Variants in DUSP10 observed in about 807,000 individuals in gnomAD.
The protein encoded by DUSP10 is dual specificity phosphatase 10, also known as dual specificity protein phosphatase 10.
Under a neutral mutation model 30.8 loss-of-function variants are expected in DUSP10, and 14 were observed. That is an observed-to-expected ratio of 0.46 (90% CI 0.30 to 0.71). The LOEUF (loss-of-function observed/expected upper bound fraction) is 0.71. DUSP10 is among the 30% of genes least tolerant of loss of function. DUSP10 has a pLI of 0.08. For synonymous variants in DUSP10, 254 were observed against 250.4 expected (o/e 1.01, Z -0.14); for missense variants, 550 against 619.4 (o/e 0.89, Z 1.19).
chr1:221,728,304 G>A (rs1661484398), intron 2 of DUSP10, among the ~76,000 whole-genome samples: 1 of 152,224 alleles, frequency 6.6e-6, no homozygotes, highest in Admixed American at 6.5e-5. Flanking sequence ...TATCTGAGAG[G>A]ACAGTCACAT....
chr1:221,717,229 G>A (rs890613366), intron 2 of DUSP10, among the ~76,000 whole-genome samples: 2 of 152,124 alleles, frequency 1.3e-5, no homozygotes, highest in African/African-American at 4.8e-5. Context: ...GGAACTCAGG[G>A]AACCTCTGAG....
At chr1:221,730,577 T>C (rs1261946426) in intron 2 of DUSP10, among the ~76,000 whole-genome samples, 3 of 152,210 alleles carry the variant, frequency 2.0e-5, no homozygotes, top group African/African-American at 7.2e-5. Context: ...CATAAAACAT[T>C]AAGGGCAATG....
rs148922352 is a variant in DUSP10, at chr1:221,704,655, T to G, written c.1183+1440A>C. Among the ~76,000 whole-genome samples, 387 of 152,300 alleles carry G rather than the reference T, an allele frequency of 2.5e-3. 1 individual carries two copies. Among genetic ancestry groups the G allele is most frequent in the African/African-American group, 8.2e-3 (341 of 41,574 alleles). On this transcript the variant is annotated intron_variant, in intron 3 of 3. Transcript: ENST00000366899. ...TAATAGGGCATCATAAACATTGCCT[T>G]AGTGTGTTGTGAAAAGGCCTCAGGC...
chr1:221,726,604 C>G (rs1227459877), intron 2 of DUSP10, among the ~76,000 whole-genome samples: 1 of 150,810 alleles, frequency 6.6e-6, no homozygotes, highest in Non-Finnish European at 1.5e-5. Flanking sequence ...TTCTTAATAT[C>G]TTAACAATAA....
intron 2 of DUSP10, among the ~76,000 whole-genome samples, chr1:221,733,532 C>T (rs1405511861): frequency 6.6e-6 from 1 of 152,210 alleles, no homozygotes. Context: ...CAGTACTGTG[C>T]TTAGAACGAC....
At chr1:221,733,538 A>T (rs1419194275) in intron 2 of DUSP10, among the ~76,000 whole-genome samples, 2 of 152,210 alleles carry the variant, frequency 1.3e-5, no homozygotes, top group African/African-American at 2.4e-5. Context: ...TGTGCTTAGA[A>T]CGACTTGCCC....
intron 2 of DUSP10, among the ~76,000 whole-genome samples, chr1:221,726,092 A>C (rs1661415420): frequency 6.6e-6 from 1 of 152,234 alleles, no homozygotes; most frequent in Non-Finnish European, 1.5e-5. Flanking sequence ...GTCAAGGATA[A>C]AGATGTCCCT....
Position 221,702,074 on chromosome 1 carries a change from G to T in DUSP10, c.*338C>A. On this transcript the variant is annotated 3_prime_UTR_variant, in exon 4 of 4. Transcript: ENST00000366899. This position sits in a 1 kb window ranked among gnomAD's most constrained non-coding sequence, Gnocchi z 4.5. ...TTGGTTTAAAGTGTGTAGTATCTTC[G>T]GTCTATGAACCTGCACAGACTATTT... 1 of 215,188 alleles carries T rather than the reference G, an allele frequency of 4.6e-6. No homozygotes were observed. Among genetic ancestry groups the T allele is most frequent in the Non-Finnish European group, 9.3e-6 (1 of 107,032 alleles). The allele number at this position is 215,188 out of a possible 1,614,324, so 13.3% of individuals were successfully genotyped here. A position where few individuals can be genotyped will look rare whatever the true frequency, so the allele number is the denominator to read the frequency against.
At chr1:221,732,207 C>T (rs908932066) in intron 2 of DUSP10, among the ~76,000 whole-genome samples, 9 of 152,214 alleles carry the variant, frequency 5.9e-5, no homozygotes, top group African/African-American at 1.4e-4. Context: ...AATGAATCTC[C>T]TCTGCCCACA....
At chr1:221,717,989 C>T (rs1436909944) in intron 2 of DUSP10, among the ~76,000 whole-genome samples, 1 of 151,902 alleles carries the variant, frequency 6.6e-6, no homozygotes, top group Admixed American at 6.6e-5. Context: ...TTTTGAAGAG[C>T]CACACTAAAA....
At chr1:221,735,363 A>T (rs1661735084) in intron 2 of DUSP10, among the ~76,000 whole-genome samples, 1 of 152,196 alleles carries the variant, frequency 6.6e-6, no homozygotes, top group African/African-American at 2.4e-5. Context: ...TCCTCTGTAG[A>T]CCTGACTGCC....
intron 2 of DUSP10, among the ~76,000 whole-genome samples, chr1:221,718,472 A>G (rs1273200551): frequency 6.6e-6 from 1 of 152,174 alleles, no homozygotes; most frequent in Non-Finnish European, 1.5e-5. Context: ...GGAAAAATCC[A>G]TGAGATCATC....
At chr1:221,735,809 C>CA (rs1241870455) in intron 2 of DUSP10, among the ~76,000 whole-genome samples, 1 of 152,172 alleles carries the variant, frequency 6.6e-6, no homozygotes, top group Non-Finnish European at 1.5e-5. Context: ...AACTTTATAG[C>CA]AAAAACGGTA....
chr1:221,702,658 C>T lies in DUSP10; in HGVS notation c.1203G>A (p.Gly401=). The change falls in exon 4 of 4, where the codon GGG becomes GGA. Residue 401 remains glycine, a synonymous_variant. Transcript: ENST00000366899. This position sits in a 1 kb window ranked among gnomAD's most constrained non-coding sequence, Gnocchi z 4.5. ...CCTGGCAGTGGATGAGAAGCCCCTTCCCACACTGGTGAGCTTCCTCTGAAA... is the reference window on the plus strand; with the variant it reads ...CCTGGCAGTGGATGAGAAGCCCCTTTCCACACTGGTGAGCTTCCTCTGAAA... ...FEFIEEAHQC[G]KGLLIHCQAG... is the part of the protein sequence containing the mutation. 1 of 1,614,030 alleles carries T rather than the reference C, an allele frequency of 6.2e-7. No individual in the cohort carries two copies. The highest frequency in any genetic ancestry group is 2.2e-5 in the East Asian group (1 of 44,870).
At chr1:221,704,580 A>G (rs539318109) in intron 3 of DUSP10, among the ~76,000 whole-genome samples, 2 of 152,326 alleles carry the variant, frequency 1.3e-5, no homozygotes, top group African/African-American at 4.8e-5. Flanking sequence ...TTTATTAATA[A>G]AGAATCTGCA....
intron 2 of DUSP10, 37 bp downstream of exon 2, chr1:221,738,897 A>C (rs781523989): frequency 2.2e-5 from 35 of 1,560,694 alleles, no homozygotes; most frequent in Non-Finnish European, 3.0e-5. Flanking sequence ...AACCCGGCTA[A>C]TCAGGACCGT....
chr1:221,723,416 A>G (rs1661335038), intron 2 of DUSP10, among the ~76,000 whole-genome samples: 1 of 152,238 alleles, frequency 6.6e-6, no homozygotes, highest in Non-Finnish European at 1.5e-5. Flanking sequence ...TATTCTTGCA[A>G]TACTGCAATA....
chr1:221,712,718 T>C (rs1216663292), intron 2 of DUSP10, among the ~76,000 whole-genome samples: 2 of 129,354 alleles, frequency 1.5e-5, no homozygotes, highest in African/African-American at 3.1e-5. Context: ...GACACAGTTA[T>C]CTACAGATAT....
At chr1:221,720,520 G>T (rs1400905363) in intron 2 of DUSP10, among the ~76,000 whole-genome samples, 1 of 152,168 alleles carries the variant, frequency 6.6e-6, no homozygotes, top group East Asian at 1.9e-4. Context: ...TCAGGGAGGG[G>T]GTTGCAGAAA....
Sources: allele counts gnomAD v4.1 joint callset (sites outside exome capture counted in the v4.1 genomes callset), GRCh38; gene constraint gnomAD v4.1.1; non-coding constraint Gnocchi (gnomAD v3.1); transcripts MANE v1.5; gene names NCBI Gene and HGNC (gene_info 2026-07-23, HGNC 2026-07-21).